The following ADAMTS19 variants were observed in gnomAD, a reference collection of about 807,000 sequenced individuals.
ADAMTS19 encodes the protein A disintegrin and metalloproteinase with thrombospondin motifs 19.
ADAMTS19 carries 93 observed loss-of-function variants against 153.3 expected under a neutral mutation model. The ratio of observed to expected loss-of-function variants is 0.61; its 90% CI spans 0.51 to 0.72. The LOEUF is 0.72. ADAMTS19 is among the 30% of genes least tolerant of loss of function. The pLI is 0.00. For synonymous variants in ADAMTS19, 600 were observed against 556.6 expected, an observed-to-expected ratio of 1.08 and a Z score of -1.10; for missense variants, 1,482 against 1,552.1, an observed-to-expected ratio of 0.95 and a Z score of 0.76.
chr5:129,732,223 A>G (rs1204900578), intron 21 of ADAMTS19, among the ~76,000 whole-genome samples: 1 of 152,104 alleles, frequency 6.6e-6, no homozygotes, highest in African/African-American at 2.4e-5. Context: ...CACAGCCAAC[A>G]TCATACTGAA....
intron 8 of ADAMTS19, among the ~76,000 whole-genome samples, chr5:129,615,997 C>T (rs966673116): frequency 6.6e-6 from 1 of 151,906 alleles, no homozygotes; most frequent in Non-Finnish European, 1.5e-5. Context: ...ATATAATGCA[C>T]GACAACGTCA....
intron 5 of ADAMTS19, among the ~76,000 whole-genome samples, chr5:129,528,299 G>T (rs1365527542): frequency 6.6e-6 from 1 of 151,898 alleles, no homozygotes; most frequent in Admixed American, 6.6e-5. Context: ...TGCTTTTTCA[G>T]AATACCATTA....
At position 129,587,914 on chromosome 5, in the gene ADAMTS19, A is replaced by G. The variant is rs1452209575; in HGVS notation, c.1373-8645A>G. ...TTGCTAAAAATCAGCAAATACTAAC[A>G]GGGAAAAAGTGCCTTTAGTGATTTT... On this transcript the variant is annotated intron_variant, in intron 7 of 22. Coordinates refer to ENST00000274487, the MANE Select transcript of ADAMTS19 (RefSeq NM_133638.6). Among the ~76,000 whole-genome samples the G allele has an allele frequency of 2.6e-5, 4 of 152,306 alleles. No homozygotes were observed. The East Asian group carries it at 7.7e-4, about 29-fold the overall frequency.
chr5:129,566,192 C>T (rs1047585254), intron 7 of ADAMTS19, among the ~76,000 whole-genome samples: 1 of 152,046 alleles, frequency 6.6e-6, no homozygotes. Context: ...AGGTCCTTCC[C>T]AATCCTGTCC....
chr5:129,562,271 T>A (rs1189957108), intron 7 of ADAMTS19, among the ~76,000 whole-genome samples: 1 of 152,238 alleles, frequency 6.6e-6, no homozygotes, highest in Non-Finnish European at 1.5e-5. Flanking sequence ...AAATATTTTT[T>A]AAATGTATAT....
chr5:129,467,239 G>C (rs747393984), intron 2 of ADAMTS19, among the ~76,000 whole-genome samples: 1 of 152,124 alleles, frequency 6.6e-6, no homozygotes, highest in East Asian at 1.9e-4. Context: ...ATGCCTCAGT[G>C]ACATATTTTC....
rs1053567735 is a variant in ADAMTS19 at position 129,460,335 on chromosome 5, A to G, written c.-57A>G. 4.9e-4 allele frequency: 665 copies of G among 1,347,656 alleles called. 1 individual carries two copies. Among genetic ancestry groups the G allele is most frequent in the Non-Finnish European group, 6.3e-4 (625 of 990,486 alleles). 83.5% of individuals were successfully genotyped at this position (1,347,656 alleles called of 1,614,324 possible). A position where few individuals can be genotyped will look rare whatever the true frequency, so the allele number is the denominator to read the frequency against. Reference sequence around the variant, plus strand: ...CTCCGGGGAGGCCGCTGCGCCCCGGAGTGGATCGCGCTGGAGGCGTGCGCC... The same window carrying G: ...CTCCGGGGAGGCCGCTGCGCCCCGGGGTGGATCGCGCTGGAGGCGTGCGCC... On this transcript the variant is annotated 5_prime_UTR_variant, in exon 1 of 23. Coordinates refer to ENST00000274487, the MANE Select transcript of ADAMTS19 (RefSeq NM_133638.6).
chr5:129,504,196 C>T (rs909004015), intron 2 of ADAMTS19, among the ~76,000 whole-genome samples: 6 of 152,178 alleles, frequency 3.9e-5, no homozygotes, highest in African/African-American at 1.4e-4. Flanking sequence ...TATTTGCCCC[C>T]ACTCATAATG....
chr5:129,659,752 TTTTTAA>T (rs1753744043), intron 15 of ADAMTS19, among the ~76,000 whole-genome samples: 1 of 152,026 alleles, frequency 6.6e-6, no homozygotes, highest in African/African-American at 2.4e-5. Flanking sequence ...AGCTAATTTT[TTTTTAA>T]TTTTGTTTTT....
In ADAMTS19 at chr5:129,622,483, G is replaced by C. The variant is rs181434657; in HGVS notation, c.1770+135G>C. On this transcript the variant is annotated intron_variant, in intron 10 of 22. Transcript: ENST00000274487. ...ATAAAAGAAGGATTTTCTAAGAAAAGGTTTGTGCATTTTTTTCTTATACTT... is the reference window on the plus strand; with the variant it reads ...ATAAAAGAAGGATTTTCTAAGAAAACGTTTGTGCATTTTTTTCTTATACTT... The C allele has an allele frequency of 9.1e-4, 925 of 1,020,894 alleles. 10 individuals carry two copies. In the African/African-American group the frequency reaches 0.014, roughly 16 times the overall value. 63.2% of individuals were successfully genotyped at this position (1,020,894 alleles called of 1,614,324 possible). A position where few individuals can be genotyped will look rare whatever the true frequency, so the allele number is the denominator to read the frequency against.
At chr5:129,721,458 A>C (rs1561669873) in intron 21 of ADAMTS19, among the ~76,000 whole-genome samples, 1 of 152,348 alleles carries the variant, frequency 6.6e-6, no homozygotes, top group South Asian at 2.1e-4. Flanking sequence ...GATTTTCAAC[A>C]GTACACACTC....
intron 14 of ADAMTS19, among the ~76,000 whole-genome samples, chr5:129,658,351 A>AAGAAAGAAAGAGAGAGAGAGAGAGAG (rs1561632431): frequency 1.7e-4 from 22 of 133,210 alleles, no homozygotes; most frequent in Non-Finnish European, 2.9e-4. Context: ...GAAAGAAAGA[A>AAGAAAGAAAGAGAGAGAGAGAGAGAG]AGAAAGAAAG....
At position 129,701,344 on chromosome 5, in the gene ADAMTS19, G is replaced by A. The variant is rs184577650; in HGVS notation, c.2955-44G>A. ...GAGAACAGACTAATACAAGTAGATA[G>A]GTATCTTTTAACTTGTTTCCAGTGA... is the stretch of plus-strand genomic sequence containing the variant. On this transcript the variant is annotated intron_variant, in intron 19 of 22. Transcript: ENST00000274487. 4.3e-3 allele frequency: 6,911 copies of A among 1,601,706 alleles called. 17 individuals carry two copies. Among genetic ancestry groups the A allele is most frequent in the Non-Finnish European group, 5.2e-3 (6,070 of 1,169,554 alleles).
chr5:129,718,657 G>A (rs1228688792), intron 21 of ADAMTS19, among the ~76,000 whole-genome samples: 4 of 152,070 alleles, frequency 2.6e-5, no homozygotes, highest in Admixed American at 2.0e-4. Context: ...GTCATCATTT[G>A]GTTTCCTTAT....
chr5:129,614,464 G>A (rs1172208304), intron 8 of ADAMTS19, among the ~76,000 whole-genome samples: 2 of 152,042 alleles, frequency 1.3e-5, no homozygotes, highest in African/African-American at 4.8e-5. Context: ...ATGCAGAAAA[G>A]GCCTGTGACA....
At chr5:129,527,934 A>G (rs1752073717) in intron 5 of ADAMTS19, 103 bp downstream of exon 5, 1 of 686,534 alleles carries the variant, frequency 1.5e-6, no homozygotes, top group Non-Finnish European at 2.5e-6. Context: ...AAATCCAGAA[A>G]TATCCACTGA....
intron 2 of ADAMTS19, among the ~76,000 whole-genome samples, chr5:129,488,026 T>C (rs1275740241): frequency 6.6e-6 from 1 of 152,050 alleles, no homozygotes; most frequent in African/African-American, 2.4e-5. Flanking sequence ...AAAGTAACGT[T>C]GTAACTCTGT....
intron 15 of ADAMTS19, among the ~76,000 whole-genome samples, chr5:129,664,521 A>C (rs1468916635): frequency 2.6e-5 from 4 of 152,090 alleles, no homozygotes; most frequent in Non-Finnish European, 5.9e-5. Flanking sequence ...AGCACATGCC[A>C]CTAATTCCAG....
At chr5:129,516,338 C>T (rs1264877438) in intron 3 of ADAMTS19, among the ~76,000 whole-genome samples, 1 of 149,802 alleles carries the variant, frequency 6.7e-6, no homozygotes, top group Admixed American at 6.7e-5. Flanking sequence ...GTATTCCCTC[C>T]TCTTATATAT....
Sources: gnomAD v4.1 joint callset for allele counts (sites outside exome capture counted in the v4.1 genomes callset) on GRCh38, gnomAD v4.1.1 for gene constraint, MANE v1.5 for transcripts, NCBI Gene and HGNC (gene_info 2026-07-23, HGNC 2026-07-21) for gene names.